Variants in AGL observed in about 807,000 individuals in gnomAD.
AGL encodes amylo-alpha-1,6-glucosidase and 4-alpha-glucanotransferase.
AGL carries 128 observed loss-of-function variants against 199.3 expected under a neutral mutation model. The ratio of observed to expected loss-of-function variants is 0.64; its 90% CI spans 0.56 to 0.74. AGL has a LOEUF of 0.74. Among genes scored for constraint, AGL ranks in the 30% least tolerant of loss-of-function variants. The pLI is 0.00. For missense variants in AGL, 1,809 were observed against 1,820.8 expected, an observed-to-expected ratio of 0.99 and a Z score of 0.12; for synonymous variants, 584 against 594.7, an observed-to-expected ratio of 0.98 and a Z score of 0.26.
Position 99,870,504 on chromosome 1 carries a change from T to C in AGL, c.769T>C (p.Phe257Leu). 1 of 1,614,050 alleles carries C rather than the reference T, an allele frequency of 6.2e-7. No homozygotes were observed. Among genetic ancestry groups the C allele is most frequent in the Non-Finnish European group, 8.5e-7 (1 of 1,179,960 alleles). ...GGTCTTAGACAGAGCACTTTGGCGTTTCTCCTGTGATGTTGCAGAAGGGAA... is the reference window on the plus strand; with the variant it reads ...GGTCTTAGACAGAGCACTTTGGCGTCTCTCCTGTGATGTTGCAGAAGGGAA... Reference protein sequence around the residue: ...AWVLDRALWRFSCDVAEGKYK... With the variant: ...AWVLDRALWRLSCDVAEGKYK... Residue 257 changes from phenylalanine (F) to leucine (L), a missense_variant, in exon 6 of 34, where the codon TTC becomes CTC. Coordinates refer to ENST00000361915, the MANE Select transcript of AGL (RefSeq NM_000642.3).
chr1:99,857,575 C>A (rs1224678168), intron 2 of AGL, among the ~76,000 whole-genome samples: 1 of 151,744 alleles, frequency 6.6e-6, no homozygotes, highest in Non-Finnish European at 1.5e-5. Context: ...CTCAGGAGGC[C>A]GAGGCTGGTG....
chr1:99,869,400 G>A (rs1650799403), intron 5 of AGL, among the ~76,000 whole-genome samples: 1 of 152,136 alleles, frequency 6.6e-6, no homozygotes, highest in Non-Finnish European at 1.5e-5. Flanking sequence ...AAATAATAAT[G>A]ATTCTAAAAT....
At chr1:99,852,681 T>G (rs1221707484) in intron 2 of AGL, 1 of 779,980 alleles carries the variant, frequency 1.3e-6, no homozygotes, top group Non-Finnish European at 2.4e-6. Flanking sequence ...TGGCCCCAAT[T>G]CTGAGCATTA....
intron 5 of AGL, among the ~76,000 whole-genome samples, chr1:99,867,398 G>C (rs1487900456): frequency 6.6e-6 from 1 of 152,058 alleles, no homozygotes; most frequent in Non-Finnish European, 1.5e-5. Context: ...CTGTATCACA[G>C]GTGCTCCACT....
At chr1:99,908,202 C>T (rs2100841542) in intron 27 of AGL, among the ~76,000 whole-genome samples, 1 of 122,252 alleles carries the variant, frequency 8.2e-6, no homozygotes, top group East Asian at 2.7e-4. Context: ...GATATTAAGT[C>T]CAAGTCCATT....
intron 21 of AGL, 144 bp from the exon 22 acceptor site, chr1:99,891,076 G>A (rs1652853359): frequency 5.3e-6 from 5 of 948,294 alleles, no homozygotes; most frequent in East Asian, 2.5e-5. Context: ...AAGCAGTGTT[G>A]TGGACTGGGT....
chr1:99,882,007 C>T (rs1423343543), intron 17 of AGL, among the ~76,000 whole-genome samples: 1 of 151,822 alleles, frequency 6.6e-6, no homozygotes, highest in East Asian at 1.9e-4. Flanking sequence ...GGCATGGTGG[C>T]ACATGCCTGT....
At chr1:99,914,275 A>G (rs548089567) in intron 30 of AGL, among the ~76,000 whole-genome samples, 1 of 152,380 alleles carries the variant, frequency 6.6e-6, no homozygotes, top group South Asian at 2.1e-4. Flanking sequence ...CACCTGTGCT[A>G]TAACCAGTGC....
At chr1:99,854,392 C>A (rs968406595) in intron 2 of AGL, among the ~76,000 whole-genome samples, 1 of 152,078 alleles carries the variant, frequency 6.6e-6, no homozygotes. Flanking sequence ...TGGTTAAAAC[C>A]GGTAAATGTA....
chr1:99,853,790 T>C (rs1649174938), intron 2 of AGL, among the ~76,000 whole-genome samples: 1 of 152,174 alleles, frequency 6.6e-6, no homozygotes, highest in Non-Finnish European at 1.5e-5. Flanking sequence ...CCTAGGAGGT[T>C]GAGGCTGGAG....
In AGL at chr1:99,882,378, C is replaced by T. The variant is rs377569787; in HGVS notation, c.2308+687C>T. On this transcript the variant is annotated intron_variant, in intron 17 of 33. Transcript: ENST00000361915. ...ATAAATGTCTTTGTGTGTATATATG[C>T]ACAAACATACATACAAACATGCGAA... Among the ~76,000 whole-genome samples, 112 of 152,118 alleles carry T rather than the reference C, an allele frequency of 7.4e-4. 1 individual carries two copies. The South Asian group carries it at 0.022, about 30-fold the overall frequency.
intron 7 of AGL, 31 bp downstream of exon 7, chr1:99,870,900 G>T: frequency 1.5e-6 from 2 of 1,318,616 alleles, no homozygotes; most frequent in Admixed American, 1.7e-5. Flanking sequence ...TGTTCCTATC[G>T]ATTTTAAGAA....
rs1650898018 is a variant in AGL, at chr1:99,870,505, T to C, written c.770T>C (p.Phe257Ser). 1.2e-6 allele frequency: 2 copies of C among 1,614,056 alleles called. No individual in the cohort carries two copies. Among genetic ancestry groups the C allele is most frequent in the Non-Finnish European group, 1.7e-6 (2 of 1,179,972 alleles). The change falls in exon 6 of 34, where the codon TTC becomes TCC. Residue 257 changes from phenylalanine (F) to serine (S), a missense_variant. Coordinates refer to ENST00000361915, the MANE Select transcript of AGL (RefSeq NM_000642.3). ...GTCTTAGACAGAGCACTTTGGCGTT[T>C]CTCCTGTGATGTTGCAGAAGGGAAA... ...AWVLDRALWR[F>S]SCDVAEGKYK...
At chr1:99,879,823 A>G (rs1391343447) in intron 12 of AGL, 100 bp from the exon 13 acceptor site, 5 of 921,214 alleles carry the variant, frequency 5.4e-6, no homozygotes, top group Admixed American at 1.8e-5. Context: ...ATATTTTTCT[A>G]TGTCAAATCA....
At chr1:99,866,201 A>G (rs539876649) in intron 5 of AGL, among the ~76,000 whole-genome samples, 1 of 152,372 alleles carries the variant, frequency 6.6e-6, no homozygotes, top group South Asian at 2.1e-4. Flanking sequence ...ATCAAACCAC[A>G]TAAGGGCATT....
At chr1:99,880,515 T>C in intron 13 of AGL, 117 bp from the exon 14 acceptor site, 1 of 1,245,640 alleles carries the variant, frequency 8.0e-7, no homozygotes, top group Middle Eastern at 2.5e-4. Context: ...TAAAGCAGTT[T>C]TATTTTTTAT....
intron 29 of AGL, among the ~76,000 whole-genome samples, chr1:99,912,748 A>G (rs1182904320): frequency 6.6e-6 from 1 of 152,200 alleles, no homozygotes; most frequent in African/African-American, 2.4e-5. Flanking sequence ...TTTATTGTGC[A>G]TGTCTTTTTC....
At chr1:99,891,081 C>A in intron 21 of AGL, 139 bp from the exon 22 acceptor site, 2 of 985,418 alleles carry the variant, frequency 2.0e-6, no homozygotes, top group Non-Finnish European at 3.2e-6. Context: ...GTGTTGTGGA[C>A]TGGGTAGCCC....
intron 5 of AGL, among the ~76,000 whole-genome samples, chr1:99,865,207 CACAT>C (rs1650410460): frequency 6.6e-6 from 1 of 152,002 alleles, no homozygotes; most frequent in Non-Finnish European, 1.5e-5. Flanking sequence ...TATAGTTTTA[CACAT>C]CCACTTGAGG....
Sources: gnomAD v4.1 joint callset for allele counts (sites outside exome capture counted in the v4.1 genomes callset) on GRCh38, gnomAD v4.1.1 for gene constraint, MANE v1.5 for transcripts, NCBI Gene and HGNC (gene_info 2026-07-23, HGNC 2026-07-21) for gene names.